Variants in ACO1 observed in about 807,000 individuals in gnomAD.
ACO1 encodes aconitase 1.
ACO1 carries 78 observed loss-of-function variants against 105.1 expected under a neutral mutation model. That is an observed-to-expected ratio of 0.74 (90% CI 0.62 to 0.90). ACO1 has a LOEUF of 0.90. ACO1 is among the 40% of genes least tolerant of loss of function. ACO1 has a pLI of 0.00. For synonymous variants in ACO1, 364 were observed against 397.4 expected, an observed-to-expected ratio of 0.92 and a Z score of 1.00; for missense variants, 965 against 1,111.1, an observed-to-expected ratio of 0.87 and a Z score of 1.87.
At chr9:32,415,711 C>T (rs1210641834) in intron 4 of ACO1, among the ~76,000 whole-genome samples, 3 of 152,150 alleles carry the variant, frequency 2.0e-5, no homozygotes, top group East Asian at 3.9e-4. Flanking sequence ...TCTGCTATCC[C>T]GGGGTCCCTC....
chr9:32,425,712 T>G (rs962126171), intron 10 of ACO1, 126 bp from the exon 11 acceptor site: 9 of 578,030 alleles, frequency 1.6e-5, no homozygotes, highest in East Asian at 3.5e-5. Context: ...AAAATTATAG[T>G]TACCAAAGTA....
Position 32,419,030 on chromosome 9 carries a change from C to T in ACO1, c.659-8C>T. On this transcript the variant is annotated splice_region_variant and splice_polypyrimidine_tract_variant and intron_variant, in intron 6 of 20. Coordinates refer to ENST00000309951, the MANE Select transcript of ACO1 (RefSeq NM_002197.3). Reference sequence around the variant, plus strand: ...AAGGCATTCTTCCGGTCATGCCGTTCATTGCAGGTGTCGGTGGTATTGAAG... The same window carrying T: ...AAGGCATTCTTCCGGTCATGCCGTTTATTGCAGGTGTCGGTGGTATTGAAG... The T allele has an allele frequency of 6.3e-7, 1 of 1,587,276 alleles. No individual in the cohort carries two copies. Among genetic ancestry groups the T allele is most frequent in the Non-Finnish European group, 8.6e-7 (1 of 1,164,822 alleles).
Position 32,452,067 on chromosome 9 carries a change from A to C in ACO1, c.*1956A>C, listed in dbSNP as rs1035696505. 3 of 151,850 alleles carry C rather than the reference A, an allele frequency of 2.0e-5. No individual in the cohort carries two copies. The highest frequency in any genetic ancestry group is 7.3e-5 in the African/African-American group (3 of 41,376). 9.4% of individuals were successfully genotyped at this position (151,850 alleles called of 1,614,324 possible). On this transcript the variant is annotated 3_prime_UTR_variant, in exon 21 of 21. Transcript: ENST00000309951. ...CTACAAGAGCAAAGCTCCGTCTCAA[A>C]AAAAAAAAAAAATTACAAACAAACA...
intron 1 of ACO1, among the ~76,000 whole-genome samples, chr9:32,392,030 A>C (rs1327251107): frequency 6.6e-6 from 1 of 152,224 alleles, no homozygotes; most frequent in African/African-American, 2.4e-5. Flanking sequence ...ATTCTTTAAA[A>C]GTTACCATAC....
Position 32,415,322 on chromosome 9 carries a change from T to C in ACO1, c.405-2806T>C, listed in dbSNP as rs149316153. 3.1e-3 allele frequency among the ~76,000 whole-genome samples: 470 copies of C among 152,266 alleles called. 4 individuals are homozygous for C. The highest frequency in any genetic ancestry group is 0.01 in the African/African-American group (423 of 41,550). ...ATGATTGAGGTGACCATACCAAAGG[T>C]AGATTGAATGGCCTCACAGGGCAGC... On this transcript the variant is annotated intron_variant, in intron 4 of 20. Coordinates refer to ENST00000309951, the MANE Select transcript of ACO1 (RefSeq NM_002197.3).
chr9:32,412,778 G>A (rs1821767409), intron 4 of ACO1, among the ~76,000 whole-genome samples: 1 of 152,182 alleles, frequency 6.6e-6, no homozygotes, highest in Admixed American at 6.5e-5. Context: ...TATCCTGTTT[G>A]AGATAGGATA....
chr9:32,452,064 C>CA lies in ACO1; in HGVS notation c.*1968dup, dbSNP rs35264413. 0.43 allele frequency: 58,441 copies of CA among 137,196 alleles called. 13,023 individuals carry two copies. Among genetic ancestry groups the CA allele is most frequent in the South Asian group, 0.54 (2,406 of 4,454 alleles). The allele number at this position is 137,196 out of a possible 1,614,324, so 8.5% of individuals were successfully genotyped here. A position where few individuals can be genotyped will look rare whatever the true frequency, so the allele number is the denominator to read the frequency against. ...GGGCTACAAGAGCAAAGCTCCGTCT[C>CA]AAAAAAAAAAAAAAATTACAAACAA... is the stretch of plus-strand genomic sequence containing the variant. On this transcript the variant is annotated 3_prime_UTR_variant, in exon 21 of 21. Coordinates refer to ENST00000309951, the MANE Select transcript of ACO1 (RefSeq NM_002197.3).
chr9:32,430,445 T>G lies in ACO1; in HGVS notation c.1597T>G (p.Ser533Ala), dbSNP rs1293056334. Residue 533 changes from serine (S) to alanine (A), a missense_variant, in exon 14 of 21, where the codon TCT (serine) becomes GCT (alanine). Physicochemically the swap from Ser to Ala is moderately conservative, Grantham distance 99 (BLOSUM62 1). Transcript: ENST00000309951. Reference protein sequence around the residue: ...QGDLVAVGVLSGNRNFEGRVH... With the variant: ...QGDLVAVGVLAGNRNFEGRVH... The stretch of plus-strand genomic sequence containing the variant: ...AGACCTTGTAGCTGTTGGAGTACTA[T>G]CTGGAAACAGGAATTTTGAAGGTCG... 1 of 1,612,522 alleles carries G rather than the reference T, an allele frequency of 6.2e-7. No homozygotes were observed. Among genetic ancestry groups the G allele is most frequent in the Non-Finnish European group, 8.5e-7 (1 of 1,179,456 alleles).
chr9:32,410,853 G>A (rs899621181), intron 4 of ACO1, among the ~76,000 whole-genome samples: 5 of 152,238 alleles, frequency 3.3e-5, no homozygotes, highest in Non-Finnish European at 7.4e-5. Context: ...GAGGTCAGCT[G>A]ACCTAGGTGA....
At position 32,431,705 on chromosome 9, in the gene ACO1, C is replaced by G; in HGVS notation, c.1727-14C>G. The G allele has an allele frequency of 6.2e-7, 1 of 1,613,342 alleles. No homozygotes were observed. Among genetic ancestry groups the G allele is most frequent in the Non-Finnish European group, 8.5e-7 (1 of 1,179,748 alleles). On this transcript the variant is annotated splice_polypyrimidine_tract_variant and intron_variant, in intron 14 of 20. Coordinates refer to ENST00000309951, the MANE Select transcript of ACO1 (RefSeq NM_002197.3). Reference sequence around the variant, plus strand: ...ATTAGAAAGTTTTCTCATTAATAAACATTTTTTCCCCAGGAGTAAATGCAA... The same window carrying G: ...ATTAGAAAGTTTTCTCATTAATAAAGATTTTTTCCCCAGGAGTAAATGCAA...
Position 32,436,281 on chromosome 9 carries a change from T to C in ACO1, c.2131T>C (p.Ser711Pro), listed in dbSNP as rs1822358277. ...LTPREFNSYG[S>P]RRGNDAVMAR... Reference sequence around the variant, plus strand: ...TCCACGAGAATTCAACTCCTATGGCTCCCGCCGAGGTAATGACGCCGTCAT... The same window carrying C: ...TCCACGAGAATTCAACTCCTATGGCCCCCGCCGAGGTAATGACGCCGTCAT... Residue 711 changes from serine (S) to proline (P), a missense_variant, in exon 18 of 21, where the codon TCC becomes CCC. Coordinates refer to ENST00000309951, the MANE Select transcript of ACO1 (RefSeq NM_002197.3). 1.2e-6 allele frequency: 2 copies of C among 1,614,170 alleles called. No homozygotes were observed. The highest frequency in any genetic ancestry group is 1.7e-5 in the Admixed American group (1 of 60,026).
chr9:32,399,603 A>G (rs1005550640), intron 1 of ACO1, among the ~76,000 whole-genome samples: 5 of 152,222 alleles, frequency 3.3e-5, no homozygotes, highest in African/African-American at 1.2e-4. Flanking sequence ...CGATGTGAGT[A>G]TACAAGGCAT....
chr9:32,392,532 A>C (rs1399860609), intron 1 of ACO1, among the ~76,000 whole-genome samples: 2 of 152,184 alleles, frequency 1.3e-5, no homozygotes, highest in African/African-American at 4.8e-5. Context: ...CTTCTGTCCC[A>C]GTCCAACCTG....
intron 9 of ACO1, among the ~76,000 whole-genome samples, chr9:32,423,849 C>T (rs13283002): frequency 1.3e-4 from 20 of 151,932 alleles, no homozygotes; most frequent in African/African-American, 3.4e-4. Flanking sequence ...CAGAAATCAC[C>T]GCTAAAGAAC....
chr9:32,450,346 A>ATGTCAGTAG lies in ACO1; in HGVS notation c.*238_*246dup, dbSNP rs1587564236. The ATGTCAGTAG allele has an allele frequency of 8.5e-6, 5 of 591,016 alleles. No individual in the cohort carries two copies. In the East Asian group the frequency reaches 1.7e-4, roughly 20 times the overall value. The allele number at this position is 591,016 out of a possible 1,614,324, so 36.6% of individuals were successfully genotyped here. ...GAATTTGGAAGCTAGAATGGTGGGA[A>ATGTCAGTAG]TGTCAGTAGTGCCAGAAAGAGAGAA... On this transcript the variant is annotated 3_prime_UTR_variant, in exon 21 of 21. Transcript: ENST00000309951.
chr9:32,450,202 G>A lies in ACO1; in HGVS notation c.*91G>A, dbSNP rs1822730000. 1 of 982,562 alleles carries A rather than the reference G, an allele frequency of 1.0e-6. No homozygotes were observed. The highest frequency in any genetic ancestry group is 1.6e-6 in the Non-Finnish European group (1 of 607,548). The allele number at this position is 982,562 out of a possible 1,614,324, so 60.9% of individuals were successfully genotyped here. On this transcript the variant is annotated 3_prime_UTR_variant, in exon 21 of 21. Transcript: ENST00000309951. ...GAGAGGCCTCCCTGGCTGCCTCTGG[G>A]AGGGGTGCTGCCTTGTAGATGGAGC... is the stretch of plus-strand genomic sequence containing the variant.
intron 7 of ACO1, among the ~76,000 whole-genome samples, chr9:32,420,071 A>G (rs1821935894): frequency 6.6e-6 from 1 of 152,260 alleles, no homozygotes; most frequent in African/African-American, 2.4e-5. Flanking sequence ...GTGGAATACT[A>G]CAGGACTTCC....
At chr9:32,399,966 G>GTTTTTTTTTTTTTTTTTTTTT (rs57615512) in intron 1 of ACO1, among the ~76,000 whole-genome samples, 4 of 69,842 alleles carry the variant, frequency 5.7e-5, no homozygotes, top group Non-Finnish European at 9.9e-5. Flanking sequence ...TTCTTTTTCT[G>GTTTTTTTTTTTTTTTTTTTTT]TTTTTTTTTT....
chr9:32,403,780 G>T (rs139565970), intron 1 of ACO1, among the ~76,000 whole-genome samples: 30 of 152,140 alleles, frequency 2.0e-4, no homozygotes, highest in Non-Finnish European at 4.4e-4. Flanking sequence ...GCTCAGTCCC[G>T]TGAGCGTTTC....
Sources: gnomAD v4.1 joint callset for allele counts (sites outside exome capture counted in the v4.1 genomes callset) on GRCh38, gnomAD v4.1.1 for gene constraint, MANE v1.5 for transcripts, NCBI Gene and HGNC (gene_info 2026-07-23, HGNC 2026-07-21) for gene names.